The following CTNNA3 variants were observed in gnomAD, a reference collection of about 807,000 sequenced individuals.
CTNNA3 encodes the protein catenin alpha-3.
Under a neutral mutation model 95.7 loss-of-function variants are expected in CTNNA3, and 76 were observed. The observed-to-expected ratio is 0.79, with a 90% CI of 0.66 to 0.96. CTNNA3 has a LOEUF of 0.96. CTNNA3 is among the 40% of genes least tolerant of loss of function. The pLI, the probability that CTNNA3 is intolerant of heterozygous loss-of-function variation, is 0.00. For missense variants in CTNNA3, 1,191 were observed against 1,089.8 expected (o/e 1.09, Z -1.31); for synonymous variants, 431 against 374.4 (o/e 1.15, Z -1.74).
intron 7 of CTNNA3, among the ~76,000 whole-genome samples, chr10:66,936,342 G>A (rs184696730): frequency 6.6e-6 from 1 of 152,120 alleles, no homozygotes; most frequent in African/African-American, 2.4e-5. Context: ...CCAAATGATG[G>A]AGATCCTGTA....
intron 3 of CTNNA3, among the ~76,000 whole-genome samples, chr10:67,598,360 A>T (rs1842986024): frequency 6.6e-6 from 1 of 151,980 alleles, no homozygotes; most frequent in Non-Finnish European, 1.5e-5. Flanking sequence ...TATTTAACTC[A>T]TCCCTTCCCT....
At chr10:66,493,902 C>T (rs1216983593) in intron 11 of CTNNA3, among the ~76,000 whole-genome samples, 8 of 117,956 alleles carry the variant, frequency 6.8e-5, no homozygotes, top group Non-Finnish European at 1.3e-4. Context: ...ACTGCGCCGG[C>T]CTTTTTTTTT....
intron 2 of CTNNA3, among the ~76,000 whole-genome samples, chr10:67,635,025 A>G (rs1839259888): frequency 6.6e-6 from 1 of 152,156 alleles, no homozygotes; most frequent in African/African-American, 2.4e-5. Context: ...CATTCACCAC[A>G]GAGAATACTA....
In CTNNA3 at chr10:66,965,759, G is replaced by A. The variant is rs10997456; in HGVS notation, c.1048-190235C>T. 0.02 allele frequency among the ~76,000 whole-genome samples: 3,072 copies of A among 151,954 alleles called. 215 individuals carry two copies. The East Asian group carries it at 0.26, about 13-fold the overall frequency. ...TTATTTCTTTGCTCAGTCAAAGGCC[G>A]CATATGTTTCAAAGGATACTTGATA... is the stretch of plus-strand genomic sequence containing the variant. On this transcript the variant is annotated intron_variant, in intron 7 of 17. Coordinates refer to ENST00000433211, the MANE Select transcript of CTNNA3 (RefSeq NM_013266.4).
chr10:67,696,855 C>A (rs1840973820), upstream of CTNNA3, among the ~76,000 whole-genome samples: 1 of 152,118 alleles, frequency 6.6e-6, no homozygotes, highest in Non-Finnish European at 1.5e-5. Flanking sequence ...TTCATCAATT[C>A]CTTGACATCC....
intron 7 of CTNNA3, among the ~76,000 whole-genome samples, chr10:66,967,164 C>T (rs1196337606): frequency 2.0e-5 from 3 of 151,832 alleles, no homozygotes; most frequent in Non-Finnish European, 4.4e-5. Context: ...TTTCTGGAAA[C>T]GTGAGATTTT....
Position 67,180,485 on chromosome 10 carries a change from C to G in CTNNA3, c.879G>C (p.Glu293Asp). 1 of 1,613,768 alleles carries G rather than the reference C, an allele frequency of 6.2e-7. No homozygotes were observed. ...TCTCTAGTGATGGTCGTATTTCCTC[C>G]TCAGTTACTGTGAGTGGATTCAGGA... ...LIVLNPLTVT[E>D]EEIRPSLEKR... Residue 293 changes from glutamate to aspartate, a missense_variant, in exon 7 of 18, where the codon GAG (glutamate) becomes GAC (aspartate). Glu to Asp is a conservative substitution (Grantham distance 45). Coordinates refer to ENST00000433211, the MANE Select transcript of CTNNA3 (RefSeq NM_013266.4).
intron 11 of CTNNA3, among the ~76,000 whole-genome samples, chr10:66,417,147 C>T (rs181022118): frequency 6.6e-6 from 1 of 152,032 alleles, no homozygotes; most frequent in East Asian, 1.9e-4. Flanking sequence ...ACAAGAAACA[C>T]ACTTTACTTG....
At chr10:66,081,303 G>C (rs558203195) in intron 14 of CTNNA3, among the ~76,000 whole-genome samples, 73 of 152,130 alleles carry the variant, frequency 4.8e-4, no homozygotes, top group Middle Eastern at 3.4e-3. Context: ...GCTCAAAAAA[G>C]AAGGACCTGT....
intron 1 of CTNNA3, among the ~76,000 whole-genome samples, chr10:67,719,298 C>T (rs1841164104): frequency 6.7e-6 from 1 of 148,892 alleles, no homozygotes; most frequent in South Asian, 2.1e-4. Context: ...TCTCTATCTC[C>T]TTCAGTTCTT....
intron 11 of CTNNA3, among the ~76,000 whole-genome samples, chr10:66,415,120 G>T (rs956235084): frequency 1.3e-5 from 2 of 152,188 alleles, no homozygotes; most frequent in South Asian, 4.1e-4. Flanking sequence ...ATTCCACAAT[G>T]ACTTGGGGAT....
rs374040274 is a variant in CTNNA3 at position 67,633,780 on chromosome 10, A to T, written c.99+13635T>A. ...TAGAGCAGGAAGACAAGATTAGAGA[A>T]AAAAGAGTGAAAAGGAAAAAACAAA... On this transcript the variant is annotated intron_variant, in intron 2 of 17. Coordinates refer to ENST00000433211, the MANE Select transcript of CTNNA3 (RefSeq NM_013266.4). 1.4e-4 allele frequency among the ~76,000 whole-genome samples: 21 copies of T among 152,292 alleles called. 1 individual carries two copies. Among genetic ancestry groups the T allele is most frequent in the African/African-American group, 4.8e-4 (20 of 41,566 alleles).
chr10:66,806,448 T>C (rs1006779097), intron 7 of CTNNA3, among the ~76,000 whole-genome samples: 2 of 152,170 alleles, frequency 1.3e-5, no homozygotes, highest in Admixed American at 6.6e-5. Context: ...CTTTAATCAC[T>C]GTACTATGTT....
At chr10:67,462,271 C>T (rs551862129) in intron 5 of CTNNA3, among the ~76,000 whole-genome samples, 1 of 152,344 alleles carries the variant, frequency 6.6e-6, no homozygotes, top group Admixed American at 6.5e-5. Flanking sequence ...GACTCCTCTT[C>T]CACAGCAGGA....
chr10:67,580,930 G>T (rs1842370134), intron 3 of CTNNA3, among the ~76,000 whole-genome samples: 1 of 152,130 alleles, frequency 6.6e-6, no homozygotes, highest in Non-Finnish European at 1.5e-5. Flanking sequence ...CTTTGCTGAA[G>T]TTGCTTATCA....
chr10:66,745,378 TA>T (rs2132709963), intron 9 of CTNNA3, among the ~76,000 whole-genome samples: 1 of 152,322 alleles, frequency 6.6e-6, no homozygotes, highest in African/African-American at 2.4e-5. Flanking sequence ...TATCTGCTGG[TA>T]TTAACTCTAC....
At chr10:66,740,409 G>A (rs1849290266) in intron 9 of CTNNA3, among the ~76,000 whole-genome samples, 1 of 152,158 alleles carries the variant, frequency 6.6e-6, no homozygotes, top group African/African-American at 2.4e-5. Flanking sequence ...CAACTCCACA[G>A]ACAGACATTT....
chr10:66,740,445 T>C (rs188419063), intron 9 of CTNNA3, among the ~76,000 whole-genome samples: 102 of 152,334 alleles, frequency 6.7e-4, no homozygotes, highest in Middle Eastern at 3.4e-3. Context: ...GTGATTACAC[T>C]GTAATATTCA....
At chr10:67,726,439 A>AATATTATATATTATATATG (rs1461778786) in intron 1 of CTNNA3, among the ~76,000 whole-genome samples, 1 of 53,168 alleles carries the variant, frequency 1.9e-5, no homozygotes, top group Non-Finnish European at 2.9e-5. Flanking sequence ...TATCATATAT[A>AATATTATATATTATATATG]ATATATAATA....
Sources: gnomAD v4.1 joint callset for allele counts (sites outside exome capture counted in the v4.1 genomes callset) on GRCh38, gnomAD v4.1.1 for gene constraint, MANE v1.5 for transcripts, NCBI Gene and HGNC (gene_info 2026-07-23, HGNC 2026-07-21) for gene names.